KCNS3: variants seen among roughly 807,000 people sequenced by gnomAD.
The protein encoded by KCNS3 is potassium voltage-gated channel modifier subfamily S member 3, also known as delayed-rectifier potassium channel regulatory subunit KCNS3.
A neutral mutation model predicts 31.0 loss-of-function variants in KCNS3; 13 were observed. The observed-to-expected ratio is 0.42, with a 90% CI of 0.27 to 0.67. The LOEUF is 0.67. KCNS3 is among the 30% of genes least tolerant of loss of function. The pLI, the probability that KCNS3 is intolerant of heterozygous loss-of-function variation, is 0.25. For missense variants in KCNS3, 545 were observed against 622.4 expected, an observed-to-expected ratio of 0.88 and a Z score of 1.32; for synonymous variants, 238 against 241.5, an observed-to-expected ratio of 0.99 and a Z score of 0.13.
chr2:17,915,620 A>T (rs891534422), intron 1 of KCNS3, among the ~76,000 whole-genome samples: 1 of 152,118 alleles, frequency 6.6e-6, no homozygotes, highest in African/African-American at 2.4e-5. Flanking sequence ...CCCCCATATA[A>T]AATGGGGATA....
At chr2:17,892,939 G>A (rs1368694362) in intron 1 of KCNS3, among the ~76,000 whole-genome samples, 3 of 152,232 alleles carry the variant, frequency 2.0e-5, no homozygotes, top group Non-Finnish European at 2.9e-5. Flanking sequence ...ACTTTCAGCT[G>A]TGCTAGTATG....
chr2:17,892,330 T>G (rs1661879425), intron 1 of KCNS3, among the ~76,000 whole-genome samples: 1 of 152,078 alleles, frequency 6.6e-6, no homozygotes, highest in Non-Finnish European at 1.5e-5. Context: ...CTTCCTTCAC[T>G]TCTTGTATCA....
intron 1 of KCNS3, among the ~76,000 whole-genome samples, chr2:17,893,196 G>T (rs1306842058): frequency 6.6e-6 from 1 of 152,094 alleles, no homozygotes; most frequent in Non-Finnish European, 1.5e-5. Context: ...TCAGTTAAGT[G>T]GGGGAAAGCT....
At chr2:17,920,100 G>C (rs1662677782) in intron 2 of KCNS3, among the ~76,000 whole-genome samples, 1 of 152,140 alleles carries the variant, frequency 6.6e-6, no homozygotes, top group Non-Finnish European at 1.5e-5. Context: ...ACTCTTAGAA[G>C]AATGTTCCAA....
intron 1 of KCNS3, among the ~76,000 whole-genome samples, chr2:17,893,940 GTTTTTTTTTTTTT>G (rs5829612): frequency 2.0e-5 from 2 of 98,904 alleles, no homozygotes; most frequent in South Asian, 4.1e-4. Context: ...CCAGGAGCCA[GTTTTTTTTTTTTT>G]TTTTTTTTTT....
At chr2:17,924,198 C>A (rs562721865) in intron 2 of KCNS3, among the ~76,000 whole-genome samples, 2 of 151,540 alleles carry the variant, frequency 1.3e-5, no homozygotes, top group Admixed American at 6.6e-5. Context: ...TTTTGTATAT[C>A]AATCTAGTAT....
intron 1 of KCNS3, among the ~76,000 whole-genome samples, chr2:17,890,659 T>C (rs930988805): frequency 1.3e-5 from 2 of 152,182 alleles, no homozygotes; most frequent in African/African-American, 4.8e-5. Flanking sequence ...AATTTTTAAA[T>C]TTCCATCTTG....
intron 2 of KCNS3, among the ~76,000 whole-genome samples, chr2:17,923,783 A>G (rs949143804): frequency 6.6e-6 from 1 of 151,888 alleles, no homozygotes; most frequent in Non-Finnish European, 1.5e-5. Flanking sequence ...TCAATCAAAA[A>G]GCCCATATGG....
Position 17,923,769 on chromosome 2 carries a change from A to G in KCNS3, c.-60+5898A>G, listed in dbSNP as rs376305884. 7.9e-5 allele frequency among the ~76,000 whole-genome samples: 12 copies of G among 151,952 alleles called. No homozygotes were observed. In the East Asian group the frequency reaches 2.2e-3, roughly 27 times the overall value. ...TTGAATTGTCTTGACACACTTGTCA[A>G]AAATCAATCAAAAAGCCCATATGGG... On this transcript the variant is annotated intron_variant, in intron 2 of 2. Coordinates refer to ENST00000304101, the MANE Select transcript of KCNS3 (RefSeq NM_002252.5).
chr2:17,893,934 G>T (rs930112764), intron 1 of KCNS3, among the ~76,000 whole-genome samples: 5 of 119,962 alleles, frequency 4.2e-5, no homozygotes, highest in South Asian at 2.7e-4. Context: ...ATGATCCCAG[G>T]AGCCAGTTTT....
At chr2:17,930,493 C>T (rs907786149) in intron 2 of KCNS3, among the ~76,000 whole-genome samples, 3 of 152,070 alleles carry the variant, frequency 2.0e-5, no homozygotes, top group African/African-American at 7.2e-5. Flanking sequence ...ATGACCAAGC[C>T]CTAGGGATTG....
chr2:17,932,736 A>G lies in KCNS3; in HGVS notation c.*252A>G. 1 of 401,502 alleles carries G rather than the reference A, an allele frequency of 2.5e-6. No individual in the cohort carries two copies. Among genetic ancestry groups the G allele is most frequent in the Non-Finnish European group, 4.6e-6 (1 of 216,534 alleles). The allele number at this position is 401,502 out of a possible 1,614,324, so 24.9% of individuals were successfully genotyped here. ...TGATATAGTTTGGAATATAAGATAA[A>G]TGGTATTGGGTGGGGTTTGTGGCTA... On this transcript the variant is annotated 3_prime_UTR_variant, in exon 3 of 3. Coordinates refer to ENST00000304101, the MANE Select transcript of KCNS3 (RefSeq NM_002252.5).
chr2:17,881,541 C>G (rs1025861398), intron 1 of KCNS3, among the ~76,000 whole-genome samples: 2 of 152,226 alleles, frequency 1.3e-5, no homozygotes, highest in Non-Finnish European at 2.9e-5. Flanking sequence ...CATGTATGAA[C>G]TCACTTCATC....
intron 2 of KCNS3, among the ~76,000 whole-genome samples, chr2:17,918,697 ACATGGTCCCTTC>A (rs898761733): frequency 6.6e-6 from 1 of 152,244 alleles, no homozygotes; most frequent in Non-Finnish European, 1.5e-5. Flanking sequence ...AGAGGATAAT[ACATGGTCCCTTC>A]CACAGCGAAG....
chr2:17,913,668 G>A (rs1662522733), intron 1 of KCNS3, among the ~76,000 whole-genome samples: 2 of 152,208 alleles, frequency 1.3e-5, no homozygotes, highest in South Asian at 4.1e-4. Flanking sequence ...TGAAGTATTA[G>A]TACAATTTGT....
At chr2:17,905,539 A>G (rs1025784842) in intron 1 of KCNS3, among the ~76,000 whole-genome samples, 11 of 152,288 alleles carry the variant, frequency 7.2e-5, no homozygotes, top group Admixed American at 3.3e-4. Flanking sequence ...GTCTTGTGCC[A>G]GTTTTCAAAG....
chr2:17,892,027 G>A (rs560309123), intron 1 of KCNS3, among the ~76,000 whole-genome samples: 1 of 152,232 alleles, frequency 6.6e-6, no homozygotes, highest in Non-Finnish European at 1.5e-5. Flanking sequence ...TGTTTTCCAA[G>A]CTTTTAGAAT....
At chr2:17,908,050 A>G (rs984515656) in intron 1 of KCNS3, among the ~76,000 whole-genome samples, 1 of 152,114 alleles carries the variant, frequency 6.6e-6, no homozygotes, top group Non-Finnish European at 1.5e-5. Flanking sequence ...TATCCTGCAG[A>G]GTGTTTTCGA....
rs1024075001 is a variant in KCNS3 at position 17,897,478 on chromosome 2, A to G, written c.-252+18672A>G. Among the ~76,000 whole-genome samples the G allele has an allele frequency of 3.6e-4, 55 of 152,202 alleles. 1 individual carries two copies. Among genetic ancestry groups the G allele is most frequent in the Non-Finnish European group, 8.8e-5 (6 of 68,030 alleles). On this transcript the variant is annotated intron_variant, in intron 1 of 2. Coordinates refer to ENST00000304101, the MANE Select transcript of KCNS3 (RefSeq NM_002252.5). ...AGAAATCTCCAATCTGCTTTCCACA[A>G]TGGCTGAACTAACTTAAATTCCCAG...
Sources: allele counts gnomAD v4.1 joint callset (sites outside exome capture counted in the v4.1 genomes callset), GRCh38; gene constraint gnomAD v4.1.1; transcripts MANE v1.5; gene names NCBI Gene and HGNC (gene_info 2026-07-23, HGNC 2026-07-21).